LUZP2: variants seen among roughly 807,000 people sequenced by gnomAD.
LUZP2 encodes the protein leucine zipper protein 2.
A neutral mutation model predicts 51.6 loss-of-function variants in LUZP2; 52 were observed. The ratio of observed to expected loss-of-function variants is 1.01; its 90% CI spans 0.81 to 1.27. The LOEUF (loss-of-function observed/expected upper bound fraction) is 1.27, where lower values mean the gene tolerates loss of function less well. LUZP2 is among the 50% of genes most tolerant of loss of function. LUZP2 has a pLI of 0.00. For synonymous variants in LUZP2, 154 were observed against 137.3 expected, an observed-to-expected ratio of 1.12 and a Z score of -0.85; for missense variants, 436 against 395.4, an observed-to-expected ratio of 1.10 and a Z score of -0.87.
At chr11:25,047,664 C>T (rs1858355778) in intron 9 of LUZP2, among the ~76,000 whole-genome samples, 1 of 152,074 alleles carries the variant, frequency 6.6e-6, no homozygotes, top group Non-Finnish European at 1.5e-5. Flanking sequence ...CATCTCAGTT[C>T]AGCTGTTGTT....
intron 1 of LUZP2, among the ~76,000 whole-genome samples, chr11:24,630,435 T>C (rs539814625): frequency 6.6e-6 from 1 of 152,210 alleles, no homozygotes; most frequent in East Asian, 1.9e-4. Context: ...GCACCATTTA[T>C]TACAAAGGGT....
chr11:24,535,383 T>A (rs990130620), intron 1 of LUZP2, among the ~76,000 whole-genome samples: 24 of 151,600 alleles, frequency 1.6e-4, no homozygotes, highest in African/African-American at 4.3e-4. Flanking sequence ...ATTATACCCA[T>A]AGTAAAGCCT....
At chr11:24,761,860 A>C (rs1241058756) in intron 4 of LUZP2, among the ~76,000 whole-genome samples, 1 of 152,138 alleles carries the variant, frequency 6.6e-6, no homozygotes, top group Non-Finnish European at 1.5e-5. Flanking sequence ...TTTATTTTTC[A>C]TAAGCGCATA....
rs1489482919 is a variant in LUZP2, at chr11:25,050,129, A to T, written c.857A>T (p.Asp286Val). The T allele has an allele frequency of 1.3e-6, 2 of 1,581,768 alleles. No individual in the cohort carries two copies. The highest frequency in any genetic ancestry group is 1.7e-4 in the Middle Eastern group (1 of 5,988). Residue 286 changes from aspartate to valine, a missense_variant and splice_region_variant, in exon 10 of 12, where the codon GAT (aspartate) becomes GTT (valine). Coordinates refer to ENST00000336930, the MANE Select transcript of LUZP2 (RefSeq NM_001009909.4). The stretch of plus-strand genomic sequence containing the variant: ...AGTACCACTGCCTGTGACTCTCAAG[A>T]TGTAAGAAAAACTTAAGATGCTTTT... Reference protein sequence around the residue: ...NPSTTACDSQDEGRPCSMKHK... With the variant: ...NPSTTACDSQVEGRPCSMKHK...
chr11:24,967,201 A>G (rs1160679810), intron 7 of LUZP2, among the ~76,000 whole-genome samples: 3 of 151,852 alleles, frequency 2.0e-5, no homozygotes, highest in African/African-American at 7.2e-5. Flanking sequence ...ACATTTTAAA[A>G]ATAGCTTGTC....
In LUZP2 at chr11:24,996,001, T is replaced by C. The variant is rs951124098; in HGVS notation, c.765+12708T>C. Among the ~76,000 whole-genome samples, 4 of 151,352 alleles carry C rather than the reference T, an allele frequency of 2.6e-5. No homozygotes were observed. In the South Asian group the frequency reaches 8.3e-4, roughly 31 times the overall value. On this transcript the variant is annotated intron_variant, in intron 9 of 11. Coordinates refer to ENST00000336930, the MANE Select transcript of LUZP2 (RefSeq NM_001009909.4). The stretch of plus-strand genomic sequence containing the variant: ...ATTCATTTTTATTGTTAATGTTATA[T>C]TCTTCTATCTATAGGTTCTAATTAT...
Position 24,571,598 on chromosome 11 carries a change from C to T in LUZP2, c.62+74293C>T, listed in dbSNP as rs531902844. On this transcript the variant is annotated intron_variant, in intron 1 of 11. Coordinates refer to ENST00000336930, the MANE Select transcript of LUZP2 (RefSeq NM_001009909.4). The stretch of plus-strand genomic sequence containing the variant: ...CCCTTAATCCAGTTATTAAGTGTCA[C>T]TGATGTAAATCAATAAAGAAATTAA... Among the ~76,000 whole-genome samples the T allele has an allele frequency of 2.6e-5, 4 of 152,110 alleles. No homozygotes were observed. In the East Asian group the frequency reaches 7.7e-4, roughly 29 times the overall value.
At chr11:24,607,983 G>C (rs1241742631) in intron 1 of LUZP2, among the ~76,000 whole-genome samples, 4 of 151,896 alleles carry the variant, frequency 2.6e-5, no homozygotes, top group African/African-American at 9.7e-5. Flanking sequence ...CGAGTAGCTG[G>C]GACTACAGAT....
intron 1 of LUZP2, among the ~76,000 whole-genome samples, chr11:24,523,760 C>T (rs961592476): frequency 6.6e-6 from 1 of 151,496 alleles, no homozygotes. Context: ...TTATTACAAG[C>T]CCGCATCATT....
At chr11:24,720,039 A>C (rs991388609) in intron 1 of LUZP2, among the ~76,000 whole-genome samples, 26 of 152,226 alleles carry the variant, frequency 1.7e-4, no homozygotes, top group Non-Finnish European at 4.4e-5. Flanking sequence ...AATGATAATA[A>C]AATAGACAAA....
chr11:24,880,230 T>C (rs149277151), intron 5 of LUZP2, among the ~76,000 whole-genome samples: 20 of 152,238 alleles, frequency 1.3e-4, no homozygotes, highest in African/African-American at 4.8e-4. Context: ...CTTTCTGCTG[T>C]GACACTGAGT....
intron 5 of LUZP2, among the ~76,000 whole-genome samples, chr11:24,776,756 A>G (rs150310210): frequency 6.6e-6 from 1 of 152,272 alleles, no homozygotes; most frequent in African/African-American, 2.4e-5. Context: ...ATAAAATGGC[A>G]CTAAAGAAGC....
intron 6 of LUZP2, among the ~76,000 whole-genome samples, chr11:24,906,513 A>G (rs1853458601): frequency 6.6e-6 from 1 of 151,624 alleles, no homozygotes. Context: ...GTGTAGTAAA[A>G]TTGTCTCATA....
intron 5 of LUZP2, among the ~76,000 whole-genome samples, chr11:24,793,776 C>G (rs1849471506): frequency 6.6e-6 from 1 of 152,102 alleles, no homozygotes; most frequent in Non-Finnish European, 1.5e-5. Flanking sequence ...TTCCCTCAGT[C>G]TCACCTATTA....
intron 9 of LUZP2, among the ~76,000 whole-genome samples, chr11:25,047,812 T>A (rs1858363033): frequency 6.6e-6 from 1 of 152,238 alleles, no homozygotes; most frequent in South Asian, 2.1e-4. Flanking sequence ...ATTTGAAATA[T>A]CCAAGGGACC....
At chr11:24,998,022 G>A (rs1285143738) in intron 9 of LUZP2, among the ~76,000 whole-genome samples, 1 of 152,160 alleles carries the variant, frequency 6.6e-6, no homozygotes, top group East Asian at 1.9e-4. Flanking sequence ...GGTTACTGTA[G>A]CCTTGTAATA....
At chr11:24,846,224 T>C (rs1216066476) in intron 5 of LUZP2, among the ~76,000 whole-genome samples, 1 of 151,652 alleles carries the variant, frequency 6.6e-6, no homozygotes, top group Non-Finnish European at 1.5e-5. Flanking sequence ...AAAAATCAAA[T>C]ATAAGATTCA....
intron 9 of LUZP2, among the ~76,000 whole-genome samples, chr11:25,016,089 T>A (rs1168634886): frequency 6.6e-6 from 1 of 151,662 alleles, no homozygotes. Context: ...CCTAGCTAAT[T>A]TTTTGCATTT....
At chr11:24,778,571 C>G (rs972142826) in intron 5 of LUZP2, among the ~76,000 whole-genome samples, 5 of 152,038 alleles carry the variant, frequency 3.3e-5, no homozygotes, top group Admixed American at 2.0e-4. Context: ...ATACTTTACT[C>G]CTGGTTACTG....
Sources: allele counts gnomAD v4.1 joint callset (sites outside exome capture counted in the v4.1 genomes callset), GRCh38; gene constraint gnomAD v4.1.1; transcripts MANE v1.5; gene names NCBI Gene and HGNC (gene_info 2026-07-23, HGNC 2026-07-21).